Variants in MEF2C observed in about 807,000 individuals in gnomAD.
MEF2C encodes the protein myocyte-specific enhancer factor 2C.
In MEF2C, 6 loss-of-function variants were observed where a neutral mutation model predicts 50.5. The observed-to-expected ratio is 0.12, with a 90% confidence interval of 0.07 to 0.23. The LOEUF is 0.23. Ranked by LOEUF, MEF2C falls within the 10% of genes least tolerant of loss-of-function variation. The pLI, the probability that MEF2C is intolerant of heterozygous loss-of-function variation, is 1.00. For synonymous variants in MEF2C, 183 were observed against 228.0 expected, an observed-to-expected ratio of 0.80 and a Z score of 1.78; for missense variants, 276 against 605.0, an observed-to-expected ratio of 0.46 and a Z score of 5.70.
intron 1 of MEF2C, among the ~76,000 whole-genome samples, chr5:88,895,883 G>C (rs1045278624): frequency 6.6e-6 from 1 of 152,050 alleles, no homozygotes; most frequent in Non-Finnish European, 1.5e-5. Flanking sequence ...TCCATGACAC[G>C]GTATCATTGT....
chr5:88,899,532 G>A (rs1186284015), intron 1 of MEF2C, among the ~76,000 whole-genome samples: 1 of 152,162 alleles, frequency 6.6e-6, no homozygotes, highest in Non-Finnish European at 1.5e-5. Context: ...TGACTTTGCA[G>A]TGAAACAGAG....
chr5:88,737,210 T>C lies in MEF2C; in HGVS notation c.638-5309A>G, dbSNP rs537222127. On this transcript the variant is annotated intron_variant, in intron 6 of 10. Coordinates refer to ENST00000504921, the MANE Select transcript of MEF2C (RefSeq NM_002397.5). ...CAAGGGTCTCTTCTCTTTATGCTAC[T>C]TGAGAAAATTTTATATTTTAGATAA... 13 of 985,158 alleles carry C rather than the reference T, an allele frequency of 1.3e-5. No individual in the cohort carries two copies. The African/African-American group carries it at 2.3e-4, about 17-fold the overall frequency. The allele number at this position is 985,158 out of a possible 1,614,324, so 61.0% of individuals were successfully genotyped here. A position where few individuals can be genotyped will look rare whatever the true frequency, so the allele number is the denominator to read the frequency against.
chr5:88,870,934 A>G (rs754995936), intron 1 of MEF2C, among the ~76,000 whole-genome samples: 48 of 152,094 alleles, frequency 3.2e-4, no homozygotes, highest in Non-Finnish European at 6.2e-4. Flanking sequence ...AATATTCTGC[A>G]AATGTGACTA....
At chr5:88,883,194 G>A (rs1343862785), upstream of MEF2C, 2 of 149,160 alleles carry the variant, frequency 1.3e-5, no homozygotes, top group Admixed American at 6.6e-5. Flanking sequence ...CGAGCAGAGC[G>A]AGCAGAGAGC....
chr5:88,844,653 C>A, intron 1 of MEF2C: 1 of 733,750 alleles, frequency 1.4e-6, no homozygotes, highest in Non-Finnish European at 1.7e-6. Context: ...TTCTCTGATT[C>A]AAATTATATT....
rs974643709 is a variant in MEF2C, at chr5:88,845,389, A to T, written c.-142-21459T>A. The stretch of plus-strand genomic sequence containing the variant: ...ATATGACGTAGAAGCAACTGTAAGT[A>T]AGAAATTACGACCTACTTAAGTGCT... On this transcript the variant is annotated intron_variant, in intron 1 of 10. Coordinates refer to ENST00000504921, the MANE Select transcript of MEF2C (RefSeq NM_002397.5). Among the ~76,000 whole-genome samples the T allele has an allele frequency of 3.3e-5, 5 of 152,342 alleles. No individual in the cohort carries two copies. The East Asian group carries it at 9.6e-4, about 29-fold the overall frequency.
chr5:88,786,084 G>A (rs545782897), intron 3 of MEF2C, among the ~76,000 whole-genome samples: 22 of 152,054 alleles, frequency 1.4e-4, no homozygotes, highest in East Asian at 1.2e-3. Context: ...ACAACTACCA[G>A]TTAGAAGACA....
At chr5:88,741,858 A>C in intron 6 of MEF2C, 1 of 985,340 alleles carries the variant, frequency 1.0e-6, no homozygotes, top group Non-Finnish European at 1.2e-6. Flanking sequence ...ATAATAAATA[A>C]ACACAGTGAA....
intron 4 of MEF2C, among the ~76,000 whole-genome samples, chr5:88,757,293 G>A (rs892576019): frequency 6.6e-6 from 1 of 152,088 alleles, no homozygotes; most frequent in Non-Finnish European, 1.5e-5. Context: ...AATATTTTTA[G>A]TTAATGGGCC....
chr5:88,772,996 G>A, intron 3 of MEF2C: 1 of 819,800 alleles, frequency 1.2e-6, no homozygotes, highest in Non-Finnish European at 1.5e-6. Context: ...GTTCTGATTA[G>A]AGAAAAGTGA....
rs558606174 is a variant in MEF2C at position 88,825,727 on chromosome 5, C to G, written c.-142-1797G>C. ...GTTTCCTATAGTCTTACCTTAGAAGCAAGCAGTGTGTTAGAATGGTATTTC... is the reference window on the plus strand; with the variant it reads ...GTTTCCTATAGTCTTACCTTAGAAGGAAGCAGTGTGTTAGAATGGTATTTC... On this transcript the variant is annotated intron_variant, in intron 1 of 10. Coordinates refer to ENST00000504921, the MANE Select transcript of MEF2C (RefSeq NM_002397.5). 4 of 605,812 alleles carry G rather than the reference C, an allele frequency of 6.6e-6. No individual in the cohort carries two copies. The South Asian group carries it at 3.0e-4, about 45-fold the overall frequency. The allele number at this position is 605,812 out of a possible 1,614,324, so 37.5% of individuals were successfully genotyped here. A position where few individuals can be genotyped will look rare whatever the true frequency, so the allele number is the denominator to read the frequency against.
Position 88,743,466 on chromosome 5 carries a change from C to T in MEF2C, c.637+5604G>A. The T allele has an allele frequency of 4.1e-6, 4 of 985,312 alleles. No homozygotes were observed. In the South Asian group the frequency reaches 1.4e-4, roughly 35 times the overall value. The allele number at this position is 985,312 out of a possible 1,614,324, so 61.0% of individuals were successfully genotyped here. A position where few individuals can be genotyped will look rare whatever the true frequency, so the allele number is the denominator to read the frequency against. On this transcript the variant is annotated intron_variant, in intron 6 of 10. Coordinates refer to ENST00000504921, the MANE Select transcript of MEF2C (RefSeq NM_002397.5). Reference sequence around the variant, plus strand: ...AAAAATTAAGCATTGTCTGACCTTTCCTCTTTCCACTTAGTTCTATTTTGT... The same window carrying T: ...AAAAATTAAGCATTGTCTGACCTTTTCTCTTTCCACTTAGTTCTATTTTGT...
At chr5:88,896,041 C>T (rs1282878062) in intron 1 of MEF2C, among the ~76,000 whole-genome samples, 2 of 152,148 alleles carry the variant, frequency 1.3e-5, no homozygotes, top group Non-Finnish European at 2.9e-5. Flanking sequence ...TCCCTCCCAC[C>T]AGCAGCCACT....
intron 1 of MEF2C, among the ~76,000 whole-genome samples, chr5:88,826,061 A>G (rs1034697481): frequency 6.6e-5 from 10 of 151,978 alleles, no homozygotes; most frequent in African/African-American, 2.4e-4. Flanking sequence ...TCAGAAAGAC[A>G]GAGAGAGTTC....
upstream of MEF2C, chr5:88,884,327 C>A (rs957530122): frequency 2.6e-5 from 4 of 152,234 alleles, no homozygotes; most frequent in African/African-American, 9.7e-5. Flanking sequence ...CCGTTACTCA[C>A]GCGTAAAAAC....
intron 4 of MEF2C, 94 bp downstream of exon 4, chr5:88,761,091 C>T: frequency 6.2e-7 from 1 of 1,613,944 alleles, no homozygotes; most frequent in South Asian, 1.1e-5. Context: ...GGGATCGGGG[C>T]TTTCACAGCC....
chr5:88,823,481 C>T (rs1809421029), intron 2 of MEF2C, among the ~76,000 whole-genome samples: 1 of 151,918 alleles, frequency 6.6e-6, no homozygotes, highest in African/African-American at 2.4e-5. Flanking sequence ...CACACAACTA[C>T]ACTTCCCATT....
intron 1 of MEF2C, among the ~76,000 whole-genome samples, chr5:88,869,272 T>C (rs1413340489): frequency 8.0e-5 from 4 of 50,290 alleles, no homozygotes; most frequent in East Asian, 5.2e-4. Context: ...TATATATATA[T>C]ATATACATAT....
intron 6 of MEF2C, chr5:88,738,693 G>A: frequency 1.0e-6 from 1 of 985,358 alleles, no homozygotes; most frequent in Non-Finnish European, 1.2e-6. Flanking sequence ...CAAATGAAGA[G>A]AGGACACAAC....
Sources: allele counts gnomAD v4.1 joint callset (sites outside exome capture counted in the v4.1 genomes callset), GRCh38; gene constraint gnomAD v4.1.1; transcripts MANE v1.5; gene names NCBI Gene and HGNC (gene_info 2026-07-23, HGNC 2026-07-21).